DGKG: variants seen among roughly 807,000 people sequenced by gnomAD.
DGKG encodes the protein diacylglycerol kinase gamma, also known as DAG kinase gamma.
Under a neutral mutation model 105.3 loss-of-function variants are expected in DGKG, and 78 were observed. That is an observed-to-expected ratio of 0.74 (90% CI 0.62 to 0.89). The LOEUF (loss-of-function observed/expected upper bound fraction) is 0.89, where lower values mean the gene tolerates loss of function less well. Ranked by LOEUF, DGKG falls within the 40% of genes least tolerant of loss-of-function variation. The pLI, the probability that DGKG is intolerant of heterozygous loss-of-function variation, is 0.00. For missense variants in DGKG, 958 were observed against 1,020.1 expected, an observed-to-expected ratio of 0.94 and a Z score of 0.83; for synonymous variants, 346 against 367.1, an observed-to-expected ratio of 0.94 and a Z score of 0.66.
At chr3:186,193,731 G>T (rs1050029811) in intron 21 of DGKG, among the ~76,000 whole-genome samples, 2 of 152,186 alleles carry the variant, frequency 1.3e-5, no homozygotes, top group South Asian at 4.1e-4. Context: ...CCCGCTCCCC[G>T]GCGGGTTCCC....
chr3:186,177,869 C>A (rs747694968), intron 22 of DGKG, among the ~76,000 whole-genome samples: 5 of 152,160 alleles, frequency 3.3e-5, no homozygotes, highest in Admixed American at 1.3e-4. Context: ...GAAGATTAAA[C>A]CCTGCTATGG....
intron 18 of DGKG, 145 bp from the exon 19 acceptor site, chr3:186,252,064 T>C (rs1578728711): frequency 2.9e-6 from 2 of 682,792 alleles, no homozygotes; most frequent in Admixed American, 3.6e-5. Flanking sequence ...ACACTTACGT[T>C]CCCCGAGCCA....
chr3:186,307,199 A>G (rs988868998), intron 2 of DGKG, among the ~76,000 whole-genome samples: 2 of 152,214 alleles, frequency 1.3e-5, no homozygotes, highest in African/African-American at 4.8e-5. Flanking sequence ...AAATCTGATC[A>G]GATCATATCC....
At chr3:186,275,482 A>T in intron 10 of DGKG, 65 bp downstream of exon 10, 1 of 1,370,126 alleles carries the variant, frequency 7.3e-7, no homozygotes, top group Non-Finnish European at 1.0e-6. Context: ...TCTGCAATGG[A>T]TCAACCAACC....
chr3:186,160,745 G>A (rs1716253128), intron 24 of DGKG: 5 of 985,432 alleles, frequency 5.1e-6, no homozygotes, highest in Non-Finnish European at 4.8e-6. Context: ...TATTACGCAT[G>A]TAGTATCCCA....
rs571223292 is a variant in DGKG at position 186,151,237 on chromosome 3, C to A, written c.2278-1049G>T. Among the ~76,000 whole-genome samples the A allele has an allele frequency of 5.3e-5, 8 of 152,286 alleles. No individual in the cohort carries two copies. In the East Asian group the frequency reaches 1.5e-3, roughly 29 times the overall value. On this transcript the variant is annotated intron_variant, in intron 24 of 24. Coordinates refer to ENST00000265022, the MANE Select transcript of DGKG (RefSeq NM_001346.3). ...ATGGAAAGTAACAGTTAGTAAAATC[C>A]TTGTCTTATGGAGAAAGAGAAGGAG...
At chr3:186,348,025 A>G (rs1726429827) in intron 1 of DGKG, among the ~76,000 whole-genome samples, 1 of 152,342 alleles carries the variant, frequency 6.6e-6, no homozygotes, top group African/African-American at 2.4e-5. Flanking sequence ...TGTGTTCAGC[A>G]ATGAAACAAT....
chr3:186,270,962 C>G (rs373444715), intron 11 of DGKG, among the ~76,000 whole-genome samples: 1 of 152,316 alleles, frequency 6.6e-6, no homozygotes, highest in African/African-American at 2.4e-5. Flanking sequence ...CCGTGTGTCC[C>G]GGTGAAAGGC....
chr3:186,202,230 A>G (rs778592000), intron 21 of DGKG, among the ~76,000 whole-genome samples: 5 of 152,232 alleles, frequency 3.3e-5, no homozygotes, highest in Non-Finnish European at 4.4e-5. Context: ...CTTGAGATAT[A>G]ACACGTGTGT....
At chr3:186,161,574 TC>T in intron 24 of DGKG, 28 bp downstream of exon 24, 1 of 1,614,038 alleles carries the variant, frequency 6.2e-7, no homozygotes, top group Non-Finnish European at 8.5e-7. Flanking sequence ...AGGCTTCTCA[TC>T]CCCATCTCAA....
chr3:186,274,656 C>T (rs1368247817), intron 10 of DGKG, among the ~76,000 whole-genome samples: 4 of 151,204 alleles, frequency 2.6e-5, no homozygotes, highest in South Asian at 2.1e-4. Context: ...TATGATCTTG[C>T]GATAGTTTGC....
intron 1 of DGKG, among the ~76,000 whole-genome samples, chr3:186,326,312 A>C (rs951625760): frequency 2.0e-5 from 3 of 152,028 alleles, no homozygotes; most frequent in African/African-American, 7.3e-5. Flanking sequence ...GAATTGCTCG[A>C]ACCTGGGAGG....
chr3:186,200,919 T>C (rs1171716577), intron 21 of DGKG, among the ~76,000 whole-genome samples: 1 of 152,194 alleles, frequency 6.6e-6, no homozygotes, highest in Non-Finnish European at 1.5e-5. Context: ...AATGGTGCCT[T>C]TGAGAGGGGC....
intron 6 of DGKG, among the ~76,000 whole-genome samples, chr3:186,286,531 T>C (rs1723078054): frequency 6.6e-6 from 1 of 151,334 alleles, no homozygotes; most frequent in Non-Finnish European, 1.5e-5. Context: ...ACTTAGCAAA[T>C]AGAAGGTGTT....
At chr3:186,303,663 C>T (rs1455648292) in intron 3 of DGKG, among the ~76,000 whole-genome samples, 3 of 152,180 alleles carry the variant, frequency 2.0e-5, no homozygotes, top group African/African-American at 7.2e-5. Context: ...TCCAGGCTCA[C>T]AGTGCCACCA....
At chr3:186,198,002 G>C (rs1168494417) in intron 21 of DGKG, among the ~76,000 whole-genome samples, 1 of 152,172 alleles carries the variant, frequency 6.6e-6, no homozygotes, top group Non-Finnish European at 1.5e-5. Flanking sequence ...CTGTCCCCTA[G>C]GAGACTTTAA....
At chr3:186,295,231 G>T (rs1723491420) in intron 5 of DGKG, among the ~76,000 whole-genome samples, 2 of 152,106 alleles carry the variant, frequency 1.3e-5, no homozygotes, top group South Asian at 4.1e-4. Flanking sequence ...GGCTGGGCGG[G>T]GTGGCTCACG....
intron 20 of DGKG, among the ~76,000 whole-genome samples, chr3:186,217,168 AG>A (rs1719333774): frequency 6.6e-6 from 1 of 152,160 alleles, no homozygotes; most frequent in Admixed American, 6.5e-5. Flanking sequence ...AGTCTATCGT[AG>A]GTGGCCCATA....
intron 2 of DGKG, among the ~76,000 whole-genome samples, chr3:186,313,986 C>T (rs551512092): frequency 3.9e-5 from 6 of 152,088 alleles, no homozygotes; most frequent in Non-Finnish European, 4.4e-5. Flanking sequence ...ACATATCAGC[C>T]CTAAATATGT....
Sources: gnomAD v4.1 joint callset for allele counts (sites outside exome capture counted in the v4.1 genomes callset) on GRCh38, gnomAD v4.1.1 for gene constraint, MANE v1.5 for transcripts, NCBI Gene and HGNC (gene_info 2026-07-23, HGNC 2026-07-21) for gene names.